The following PHLPP2 variants were observed in gnomAD, a reference collection of about 807,000 sequenced individuals.
PHLPP2 encodes PH domain and leucine rich repeat protein phosphatase 2, also known as PH domain leucine-rich repeat-containing protein phosphatase 2.
Under a neutral mutation model 124.9 loss-of-function variants are expected in PHLPP2, and 66 were observed. The observed-to-expected ratio is 0.53, with a 90% CI of 0.43 to 0.65. PHLPP2 has a LOEUF of 0.65. Ranked by LOEUF, PHLPP2 falls within the 30% of genes least tolerant of loss-of-function variation. The pLI is 0.00. For synonymous variants in PHLPP2, 681 were observed against 624.7 expected (o/e 1.09, Z -1.34); for missense variants, 1,685 against 1,600.4 (o/e 1.05, Z -0.90).
At chr16:71,683,065 A>G (rs938811286) in intron 5 of PHLPP2, among the ~76,000 whole-genome samples, 5 of 152,004 alleles carry the variant, frequency 3.3e-5, no homozygotes, top group African/African-American at 1.2e-4. Context: ...CAGCTACTCA[A>G]GAGGCTGAGG....
intron 2 of PHLPP2, among the ~76,000 whole-genome samples, chr16:71,712,463 AAT>A: frequency 6.6e-6 from 1 of 152,224 alleles, no homozygotes; most frequent in Non-Finnish European, 1.5e-5. Flanking sequence ...TCGTATTTCT[AAT>A]ATCTTTGTAT....
At position 71,645,473 on chromosome 16, in the gene PHLPP2, C is replaced by A. The variant is rs1426224060; in HGVS notation, c.*3417G>T. 6.6e-6 allele frequency: 1 copy of A among 152,602 alleles called. No individual in the cohort carries two copies. The highest frequency in any genetic ancestry group is 2.4e-5 in the African/African-American group (1 of 41,418). 9.5% of individuals were successfully genotyped at this position (152,602 alleles called of 1,614,324 possible). ...GAGACTAATTATTTAATAATTGGTA[C>A]ATTTATCGATAACAGCCAGCTGCTC... On this transcript the variant is annotated 3_prime_UTR_variant, in exon 19 of 19. Transcript: ENST00000568954.
intron 3 of PHLPP2, among the ~76,000 whole-genome samples, chr16:71,693,865 C>A (rs556857785): frequency 2.0e-5 from 3 of 152,168 alleles, no homozygotes; most frequent in Non-Finnish European, 4.4e-5. Flanking sequence ...GAAAACTTTC[C>A]TATCAGCTAG....
rs2044674470 is a variant in PHLPP2, at chr16:71,649,078, G to A, written c.3784C>T (p.Pro1262Ser). 1 of 1,614,008 alleles carries A rather than the reference G, an allele frequency of 6.2e-7. No homozygotes were observed. Among genetic ancestry groups the A allele is most frequent in the Non-Finnish European group, 8.5e-7 (1 of 1,179,930 alleles). The change falls in exon 19 of 19, where the codon CCC (proline) becomes TCC (serine). Residue 1262 changes from proline (P) to serine (S), a missense_variant. By Grantham distance (74) the Pro-to-Ser change is moderately conservative. Coordinates refer to ENST00000568954, the MANE Select transcript of PHLPP2 (RefSeq NM_015020.3). ...GCAAAATAGCCAGTTTTCCTCTTGG[G>A]CACTTCTGTGGCCACTTCAATGAGG... ...LNLIEVATEV[P>S]KRKTGYFAAP...
rs748505747 is a variant in PHLPP2 at position 71,668,965 on chromosome 16, A to G, written c.1628+310T>C. ...ATGTTCTTAGAACATTGCTCAGCTT[A>G]TAATAGCTCATCCTATAAAAATTAA... On this transcript the variant is annotated intron_variant, in intron 11 of 18. Transcript: ENST00000568954. Among the ~76,000 whole-genome samples the G allele has an allele frequency of 2.6e-5, 4 of 152,258 alleles. No individual in the cohort carries two copies. The South Asian group carries it at 6.2e-4, about 24-fold the overall frequency.
chr16:71,669,785 C>G (rs1388425143), intron 10 of PHLPP2, among the ~76,000 whole-genome samples: 1 of 152,144 alleles, frequency 6.6e-6, no homozygotes, highest in Non-Finnish European at 1.5e-5. Context: ...AGAATGAATA[C>G]AAGTGAGACA....
intron 1 of PHLPP2, among the ~76,000 whole-genome samples, chr16:71,717,634 T>C (rs999696792): frequency 6.6e-6 from 1 of 152,216 alleles, no homozygotes; most frequent in African/African-American, 2.4e-5. Context: ...GTTAAATATT[T>C]AGTAGGTAAA....
chr16:71,699,772 A>G (rs1206512251), intron 3 of PHLPP2, among the ~76,000 whole-genome samples: 2 of 152,186 alleles, frequency 1.3e-5, no homozygotes, highest in African/African-American at 4.8e-5. Context: ...GTAAGAGAGC[A>G]TTATAACATG....
At chr16:71,684,368 C>T (rs573147182) in intron 5 of PHLPP2, 108 bp downstream of exon 5, 11 of 1,066,208 alleles carry the variant, frequency 1.0e-5, no homozygotes, top group African/African-American at 1.6e-5. Flanking sequence ...TCAGGTGATC[C>T]GTCCACCTCG....
At chr16:71,676,672 A>G in intron 8 of PHLPP2, 23 bp from the exon 9 acceptor site, 2 of 1,495,788 alleles carry the variant, frequency 1.3e-6, no homozygotes, top group South Asian at 2.3e-5. Context: ...AAACAAGAAA[A>G]TAATCATAAA....
chr16:71,702,456 G>T, intron 3 of PHLPP2, 142 bp downstream of exon 3: 1 of 554,012 alleles, frequency 1.8e-6, no homozygotes, highest in Non-Finnish European at 3.1e-6. Flanking sequence ...TTTTGTTGTT[G>T]TTTGGTTGGT....
At chr16:71,716,025 T>C (rs1412251650) in intron 1 of PHLPP2, among the ~76,000 whole-genome samples, 2 of 151,738 alleles carry the variant, frequency 1.3e-5, no homozygotes, top group Admixed American at 6.6e-5. Flanking sequence ...CTATAAACCA[T>C]ACACAGTATT....
At chr16:71,707,087 T>C (rs1035503582) in intron 2 of PHLPP2, among the ~76,000 whole-genome samples, 1 of 150,510 alleles carries the variant, frequency 6.6e-6, no homozygotes, top group Non-Finnish European at 1.5e-5. Context: ...CCCGAGTAGC[T>C]GGGACTACAG....
chr16:71,667,620 AGATTTT>A (rs1470256532), intron 11 of PHLPP2, among the ~76,000 whole-genome samples: 2 of 152,242 alleles, frequency 1.3e-5, no homozygotes, highest in Non-Finnish European at 2.9e-5. Flanking sequence ...AAATCAATTT[AGATTTT>A]AAGTCTAAGC....
At chr16:71,678,567 G>C (rs1326328211) in intron 8 of PHLPP2, 188 bp downstream of exon 8, 1 of 556,656 alleles carries the variant, frequency 1.8e-6, no homozygotes, top group Non-Finnish European at 3.2e-6. Flanking sequence ...CTGAGAACGG[G>C]AGGTCAAGAC....
At chr16:71,654,606 T>C (rs1036808504) in intron 17 of PHLPP2, among the ~76,000 whole-genome samples, 3 of 152,200 alleles carry the variant, frequency 2.0e-5, no homozygotes, top group African/African-American at 7.2e-5. Flanking sequence ...TGCCCAACTA[T>C]AAGCTAATGG....
In PHLPP2 at chr16:71,672,338, A is replaced by T; in HGVS notation, c.1472-16T>A. ...GCTGTCAGCCCTAATCCAAAAACAA[A>T]CAGGTGTTAGTGACATCCTCTAAAA... On this transcript the variant is annotated splice_polypyrimidine_tract_variant and intron_variant, in intron 9 of 18. Transcript: ENST00000568954. The T allele has an allele frequency of 6.2e-7, 1 of 1,602,978 alleles. No homozygotes were observed. The highest frequency in any genetic ancestry group is 8.5e-7 in the Non-Finnish European group (1 of 1,169,956).
chr16:71,675,344 A>G (rs1247265608), intron 9 of PHLPP2, among the ~76,000 whole-genome samples: 1 of 152,238 alleles, frequency 6.6e-6, no homozygotes, highest in Non-Finnish European at 1.5e-5. Flanking sequence ...AACACATATC[A>G]AAAGTAAACA....
intron 1 of PHLPP2, among the ~76,000 whole-genome samples, chr16:71,721,286 C>A (rs972971830): frequency 2.0e-5 from 3 of 150,652 alleles, no homozygotes; most frequent in African/African-American, 7.3e-5. Flanking sequence ...CTAGCCTGGG[C>A]AAGAGAGAGG....
Sources: allele counts gnomAD v4.1 joint callset (sites outside exome capture counted in the v4.1 genomes callset), GRCh38; gene constraint gnomAD v4.1.1; transcripts MANE v1.5; gene names NCBI Gene and HGNC (gene_info 2026-07-23, HGNC 2026-07-21).